Variants in TXNL1 observed in about 807,000 individuals in gnomAD.
The protein encoded by TXNL1 is thioredoxin like 1, also known as thioredoxin-like protein 1.
TXNL1 carries 14 observed loss-of-function variants against 35.5 expected under a neutral mutation model. The ratio of observed to expected loss-of-function variants is 0.39; its 90% confidence interval spans 0.26 to 0.62. TXNL1 has a LOEUF of 0.62. TXNL1 is among the 20% of genes least tolerant of loss of function. TXNL1 has a pLI of 0.47. For missense variants in TXNL1, 263 were observed against 349.7 expected, an observed-to-expected ratio of 0.75 and a Z score of 1.98; for synonymous variants, 110 against 115.5, an observed-to-expected ratio of 0.95 and a Z score of 0.31.
rs775620013 is a variant in TXNL1, at chr18:56,624,417, C to T, written c.240G>A (p.Leu80=). The change falls in exon 3 of 8, where the codon TTG becomes TTA. Residue 80 remains leucine (L), a synonymous_variant. Coordinates refer to ENST00000217515, the MANE Select transcript of TXNL1 (RefSeq NM_004786.3). The part of the protein sequence containing the change: ...TNNISATPTF[L]FFRNKVRIDQ... ...CAATTCTCACTTTGTTTCGAAAAAA[C>T]AAAAATGTAGGTGTTGCTGATATAT... The T allele has an allele frequency of 1.2e-5, 20 of 1,613,364 alleles. No homozygotes were observed. The highest frequency in any genetic ancestry group is 1.7e-5 in the Non-Finnish European group (20 of 1,179,696).
intron 3 of TXNL1, among the ~76,000 whole-genome samples, chr18:56,620,888 G>T (rs1451851109): frequency 1.3e-5 from 2 of 152,202 alleles, no homozygotes; most frequent in Non-Finnish European, 2.9e-5. Context: ...TATAGTAAAT[G>T]TATTACTCAG....
At chr18:56,612,015 A>ATTT (rs1217872694) in intron 6 of TXNL1, among the ~76,000 whole-genome samples, 6 of 105,478 alleles carry the variant, frequency 5.7e-5, no homozygotes, top group African/African-American at 9.2e-5. Flanking sequence ...CGCCCGGCTA[A>ATTT]TCTTTTTTTT....
intron 1 of TXNL1, among the ~76,000 whole-genome samples, chr18:56,627,079 G>A (rs1002645347): frequency 1.3e-5 from 2 of 151,460 alleles, no homozygotes; most frequent in African/African-American, 4.9e-5. Context: ...CTCCCAAAGT[G>A]CAGACATTAC....
At chr18:56,626,639 G>A (rs1162404573) in intron 1 of TXNL1, among the ~76,000 whole-genome samples, 182 bp from the exon 2 acceptor site, 1 of 151,254 alleles carries the variant, frequency 6.6e-6, no homozygotes, top group African/African-American at 2.4e-5. Context: ...TGGTACTCCA[G>A]GCGCCCACCA....
chr18:56,636,438 T>C (rs1266067110), intron 1 of TXNL1, among the ~76,000 whole-genome samples: 1 of 152,180 alleles, frequency 6.6e-6, no homozygotes, highest in Non-Finnish European at 1.5e-5. Flanking sequence ...ACAGGATGTA[T>C]TAATGGCCAA....
At chr18:56,628,446 A>G (rs900699278) in intron 1 of TXNL1, among the ~76,000 whole-genome samples, 5 of 152,188 alleles carry the variant, frequency 3.3e-5, no homozygotes, top group Admixed American at 1.3e-4. Flanking sequence ...CTTATCAACA[A>G]AAGAATGGGT....
intron 7 of TXNL1, among the ~76,000 whole-genome samples, chr18:56,606,089 T>C (rs943717287): frequency 6.6e-6 from 1 of 152,150 alleles, no homozygotes; most frequent in African/African-American, 2.4e-5. Context: ...AAATTTTCAA[T>C]TCTAGGCCAG....
chr18:56,630,018 G>C (rs940476627), intron 1 of TXNL1, among the ~76,000 whole-genome samples: 2 of 152,076 alleles, frequency 1.3e-5, no homozygotes, highest in Non-Finnish European at 2.9e-5. Flanking sequence ...GGCCAACAAG[G>C]TGAAACCCCA....
chr18:56,612,225 A>C (rs2024008554), intron 6 of TXNL1, among the ~76,000 whole-genome samples: 1 of 152,008 alleles, frequency 6.6e-6, no homozygotes, highest in South Asian at 2.1e-4. Context: ...ACAATGGGAC[A>C]GACTATCATT....
intron 7 of TXNL1, 110 bp from the exon 8 acceptor site, chr18:56,603,166 T>A: frequency 1.0e-6 from 1 of 992,254 alleles, no homozygotes; most frequent in Non-Finnish European, 1.5e-6. Flanking sequence ...TATCCTTGGA[T>A]CTTTTCTGGC....
intron 1 of TXNL1, among the ~76,000 whole-genome samples, chr18:56,635,527 C>T (rs914321221): frequency 6.6e-6 from 1 of 152,118 alleles, no homozygotes; most frequent in Non-Finnish European, 1.5e-5. Context: ...AATATTGTTA[C>T]GATTTCACTT....
chr18:56,614,721 A>G (rs2144297529), intron 5 of TXNL1, 125 bp from the exon 6 acceptor site: 1 of 766,176 alleles, frequency 1.3e-6, no homozygotes, highest in East Asian at 2.8e-5. Flanking sequence ...AAATAACTCC[A>G]TTATTAGAAC....
chr18:56,637,310 G>A (rs1199993383), intron 1 of TXNL1, among the ~76,000 whole-genome samples: 1 of 152,174 alleles, frequency 6.6e-6, no homozygotes, highest in Non-Finnish European at 1.5e-5. Context: ...ATTTGGACAA[G>A]AAAGTGTGTT....
At chr18:56,611,993 C>T (rs557116276) in intron 6 of TXNL1, among the ~76,000 whole-genome samples, 5 of 149,508 alleles carry the variant, frequency 3.3e-5, no homozygotes, top group African/African-American at 1.2e-4. Flanking sequence ...GGACTACAGG[C>T]ACATGCTGCC....
intron 1 of TXNL1, among the ~76,000 whole-genome samples, 187 bp from the exon 2 acceptor site, chr18:56,626,644 C>CCA (rs2144323904): frequency 6.6e-6 from 1 of 151,478 alleles, no homozygotes; most frequent in Admixed American, 6.6e-5. Context: ...CTCCAGGCGC[C>CCA]CACCACCACG....
chr18:56,634,284 G>T (rs1313790156), intron 1 of TXNL1, among the ~76,000 whole-genome samples: 2 of 152,144 alleles, frequency 1.3e-5, no homozygotes, highest in Non-Finnish European at 2.9e-5. Context: ...AGATGAACGT[G>T]CATTTCTTTT....
chr18:56,614,916 CACAGG>C lies in TXNL1; in HGVS notation c.563-325_563-321del, dbSNP rs2024059225. On this transcript the variant is annotated intron_variant, in intron 5 of 7. Coordinates refer to ENST00000217515, the MANE Select transcript of TXNL1 (RefSeq NM_004786.3). The stretch of plus-strand genomic sequence containing the variant: ...AGACATGCTACGATAAACAAAATAC[CACAGG>C]AGAGGAGGTACAAGGAAGGTGACAA... Among the ~76,000 whole-genome samples the C allele has an allele frequency of 4.6e-5, 7 of 152,126 alleles. No individual in the cohort carries two copies. The South Asian group carries it at 1.5e-3, about 32-fold the overall frequency.
intron 3 of TXNL1, among the ~76,000 whole-genome samples, chr18:56,620,894 C>A (rs1051444672): frequency 1.3e-5 from 2 of 152,146 alleles, no homozygotes; most frequent in Non-Finnish European, 2.9e-5. Flanking sequence ...AAATGTATTA[C>A]TCAGGGTAAC....
chr18:56,625,706 T>C (rs1212912564), intron 2 of TXNL1, among the ~76,000 whole-genome samples: 1 of 152,206 alleles, frequency 6.6e-6, no homozygotes, highest in Non-Finnish European at 1.5e-5. Flanking sequence ...TAAAATTTTT[T>C]CCACACTCAG....
Sources: gnomAD v4.1 joint callset for allele counts (sites outside exome capture counted in the v4.1 genomes callset) on GRCh38, gnomAD v4.1.1 for gene constraint, MANE v1.5 for transcripts, NCBI Gene and HGNC (gene_info 2026-07-23, HGNC 2026-07-21) for gene names.